The following SYNE2 variants were observed in gnomAD, a reference collection of about 807,000 sequenced individuals.
SYNE2 encodes spectrin repeat containing nuclear envelope protein 2.
Under a neutral mutation model 856.3 loss-of-function variants are expected in SYNE2, and 431 were observed. The observed-to-expected ratio is 0.50, with a 90% CI of 0.47 to 0.55. The LOEUF is 0.55. Ranked by LOEUF, SYNE2 falls within the 20% of genes least tolerant of loss-of-function variation. The pLI, the probability that SYNE2 is intolerant of heterozygous loss-of-function variation, is 0.00. For missense variants in SYNE2, 8,129 were observed against 8,023.2 expected (o/e 1.01, Z -0.50); for synonymous variants, 2,923 against 2,872.3 (o/e 1.02, Z -0.56).
chr14:64,155,347 G>A (rs1219037801), intron 85 of SYNE2, among the ~76,000 whole-genome samples: 1 of 152,078 alleles, frequency 6.6e-6, no homozygotes, highest in Non-Finnish European at 1.5e-5. Flanking sequence ...AGTGAAAGAC[G>A]CCAGTCACAA....
chr14:64,116,169 A>T (rs1244427367), intron 66 of SYNE2, among the ~76,000 whole-genome samples: 1 of 151,658 alleles, frequency 6.6e-6, no homozygotes, highest in Non-Finnish European at 1.5e-5. Flanking sequence ...AGACACTGTC[A>T]AAAAAAAGAA....
intron 1 of SYNE2, among the ~76,000 whole-genome samples, chr14:63,886,767 C>G (rs1404226303): frequency 6.6e-6 from 1 of 152,078 alleles, no homozygotes; most frequent in Non-Finnish European, 1.5e-5. Context: ...TCAAGTGATT[C>G]TCCTGCCTCA....
chr14:63,992,255 G>A (rs1393147467), intron 21 of SYNE2, among the ~76,000 whole-genome samples: 1 of 150,618 alleles, frequency 6.6e-6, no homozygotes, highest in Non-Finnish European at 1.5e-5. Flanking sequence ...AAAAAAAATA[G>A]AGGGTCCTAG....
chr14:63,788,931 T>C (rs1216076235), intron 1 of SYNE2, among the ~76,000 whole-genome samples: 1 of 152,186 alleles, frequency 6.6e-6, no homozygotes, highest in Admixed American at 6.5e-5. Context: ...GCAGCACTGT[T>C]CACAGTAGCC....
Position 64,038,703 on chromosome 14 carries a change from C to T in SYNE2, c.7221+7346C>T, listed in dbSNP as rs184870144. 2.4e-3 allele frequency among the ~76,000 whole-genome samples: 365 copies of T among 152,360 alleles called. 3 individuals carry two copies. Among genetic ancestry groups the T allele is most frequent in the African/African-American group, 7.9e-3 (328 of 41,584 alleles). On this transcript the variant is annotated intron_variant, in intron 45 of 115. Coordinates refer to ENST00000555002, the MANE Select transcript of SYNE2 (RefSeq NM_182914.3). ...CAAAAAAATACGAAAACCAGTCAGG[C>T]GTGGCGGCGGGCGCCTGCAATCGCA...
At chr14:63,974,888 G>GTATATATATATATATATATA (rs1370206967) in intron 11 of SYNE2, among the ~76,000 whole-genome samples, 31 of 26,392 alleles carry the variant, frequency 1.2e-3, no homozygotes, top group South Asian at 2.6e-3. Context: ...GTGTGTGTGT[G>GTATATATATATATATATATA]TGTGTATATA....
intron 114 of SYNE2, 139 bp from the exon 115 acceptor site, chr14:64,224,860 G>A (rs1248746028): frequency 2.5e-6 from 2 of 806,630 alleles, no homozygotes; most frequent in African/African-American, 1.7e-5. Flanking sequence ...AATCTCAATT[G>A]TATTACTCTA....
At chr14:64,185,388 ACT>A (rs1351721616) in intron 96 of SYNE2, among the ~76,000 whole-genome samples, 37 of 151,660 alleles carry the variant, frequency 2.4e-4, no homozygotes, top group Admixed American at 6.6e-4. Flanking sequence ...AATCTGGTAG[ACT>A]CTTGAGTGTT....
At chr14:63,929,769 C>CA (rs34496182) in intron 2 of SYNE2, among the ~76,000 whole-genome samples, 22,460 of 126,792 alleles carry the variant, frequency 0.18, 1,732 homozygotes, top group South Asian at 0.25. Context: ...GAAACTGTCT[C>CA]AAAAAAAAAA....
intron 106 of SYNE2, 189 bp downstream of exon 106, chr14:64,214,659 G>A: frequency 1.6e-6 from 1 of 620,398 alleles, no homozygotes. Context: ...CATCACAGGT[G>A]GAATGAAAGG....
intron 1 of SYNE2, among the ~76,000 whole-genome samples, chr14:63,787,440 T>C (rs1240585483): frequency 6.6e-6 from 1 of 152,178 alleles, no homozygotes; most frequent in African/African-American, 2.4e-5. Flanking sequence ...ACATGTATTG[T>C]CACTCTTTTG....
intron 47 of SYNE2, among the ~76,000 whole-genome samples, chr14:64,050,289 C>T (rs1595141310): frequency 6.6e-6 from 1 of 152,170 alleles, no homozygotes; most frequent in South Asian, 2.1e-4. Flanking sequence ...ATGACCTAAT[C>T]ACTCCTCAAA....
chr14:63,982,014 G>A (rs887758070), intron 16 of SYNE2, among the ~76,000 whole-genome samples: 13 of 152,120 alleles, frequency 8.5e-5, no homozygotes, highest in African/African-American at 3.1e-4. Context: ...AACACGCTAA[G>A]GTTGTAATAC....
rs1011615429 is a variant in SYNE2 at position 63,980,752 on chromosome 14, T to C, written c.1648+20T>C. On this transcript the variant is annotated intron_variant, in intron 15 of 115. Transcript: ENST00000555002. ...ATTTGGGTAAAGTGGTTCAGTTACT[T>C]TCTGATGGAATGACTGTCACTTAAC... 2.0e-5 allele frequency: 30 copies of C among 1,482,002 alleles called. No individual in the cohort carries two copies. Among genetic ancestry groups the C allele is most frequent in the Non-Finnish European group, 2.7e-5 (29 of 1,061,138 alleles). The allele number at this position is 1,482,002 out of a possible 1,614,324, so 91.8% of individuals were successfully genotyped here.
intron 64 of SYNE2, among the ~76,000 whole-genome samples, chr14:64,106,306 T>C (rs2097771217): frequency 6.6e-6 from 1 of 152,178 alleles, no homozygotes; most frequent in Admixed American, 6.5e-5. Flanking sequence ...TTGACTGTTT[T>C]TCTATGTAGG....
chr14:64,053,121 C>A lies in SYNE2; in HGVS notation c.9208C>A (p.Leu3070Ile). 6.2e-7 allele frequency: 1 copy of A among 1,614,022 alleles called. No homozygotes were observed. Among genetic ancestry groups the A allele is most frequent in the Non-Finnish European group, 8.5e-7 (1 of 1,179,990 alleles). Reference sequence around the variant, plus strand: ...AATTAAGAAAATGACTGAAGTAGTACTAAAAGCTCCTGATAGCTCTCCGGA... The same window carrying A: ...AATTAAGAAAATGACTGAAGTAGTAATAAAAGCTCCTGATAGCTCTCCGGA... ...LQIKKMTEVV[L>I]KAPDSSPESR... Residue 3070 changes from leucine (L) to isoleucine (I), a missense_variant, in exon 48 of 116, where the codon CTA becomes ATA. Physicochemically the swap from Leu to Ile is conservative, Grantham distance 5. Transcript: ENST00000555002.
chr14:63,910,865 C>T (rs35499091), intron 2 of SYNE2, among the ~76,000 whole-genome samples: 14,774 of 152,216 alleles, frequency 0.097, 951 homozygotes, highest in African/African-American at 0.19. Flanking sequence ...CAAAATCTTA[C>T]TCTCAAAGTA....
chr14:63,983,233 A>G (rs1332395421), intron 17 of SYNE2, among the ~76,000 whole-genome samples: 1 of 152,224 alleles, frequency 6.6e-6, no homozygotes, highest in African/African-American at 2.4e-5. Flanking sequence ...TAGTTTATAC[A>G]CATTTGAGTT....
intron 19 of SYNE2, among the ~76,000 whole-genome samples, chr14:63,988,542 A>C (rs1010519637): frequency 6.6e-6 from 1 of 152,246 alleles, no homozygotes; most frequent in African/African-American, 2.4e-5. Flanking sequence ...CACTGCCCCA[A>C]GACAAATAAG....
Sources: gnomAD v4.1 joint callset for allele counts (sites outside exome capture counted in the v4.1 genomes callset) on GRCh38, gnomAD v4.1.1 for gene constraint, MANE v1.5 for transcripts, NCBI Gene and HGNC (gene_info 2026-07-23, HGNC 2026-07-21) for gene names.